UBP1: variants seen among roughly 807,000 people sequenced by gnomAD.
UBP1 encodes the protein upstream binding protein 1.
A neutral mutation model predicts 76.1 loss-of-function variants in UBP1; 22 were observed. That is an observed-to-expected ratio of 0.29 (90% CI 0.21 to 0.41). The LOEUF is 0.41. Among genes scored for constraint, UBP1 ranks in the 10% least tolerant of loss-of-function variants. UBP1 has a pLI of 1.00. For synonymous variants in UBP1, 224 were observed against 237.1 expected, an observed-to-expected ratio of 0.94 and a Z score of 0.51; for missense variants, 436 against 668.1, an observed-to-expected ratio of 0.65 and a Z score of 3.83.
intron 8 of UBP1, among the ~76,000 whole-genome samples, chr3:33,405,378 A>G (rs1281052915): frequency 6.6e-6 from 1 of 152,180 alleles, no homozygotes; most frequent in Non-Finnish European, 1.5e-5. Flanking sequence ...GCACTTCAAG[A>G]GTAATGTCAC....
At chr3:33,436,125 T>G (rs1029617831) in intron 1 of UBP1, among the ~76,000 whole-genome samples, 4 of 152,240 alleles carry the variant, frequency 2.6e-5, no homozygotes, top group Admixed American at 6.5e-5. Flanking sequence ...ACATTAATTT[T>G]TTTTAACTTT....
In UBP1 at chr3:33,409,220, T is replaced by C. The variant is rs774253888; in HGVS notation, c.819+16A>G. ...CCTTTGCTTCTCTTCCAAAACCAAA[T>C]GCTTTACTACATTACCTCTGTGAGG... On this transcript the variant is annotated intron_variant, in intron 7 of 15. Coordinates refer to ENST00000283629, the MANE Select transcript of UBP1 (RefSeq NM_014517.5). 1.2e-6 allele frequency: 2 copies of C among 1,611,590 alleles called. No homozygotes were observed. The highest frequency in any genetic ancestry group is 1.1e-5 in the South Asian group (1 of 90,724).
intron 1 of UBP1, among the ~76,000 whole-genome samples, chr3:33,429,108 A>T (rs1394562267): frequency 6.6e-6 from 1 of 152,214 alleles, no homozygotes; most frequent in African/African-American, 2.4e-5. Context: ...GTGTTTCTTC[A>T]ATGACTGATG....
intron 1 of UBP1, among the ~76,000 whole-genome samples, chr3:33,427,765 C>A (rs922410692): frequency 2.6e-5 from 4 of 152,248 alleles, no homozygotes; most frequent in Non-Finnish European, 4.4e-5. Context: ...AACACTCCTA[C>A]GTACACAAGT....
rs2043615837 is a variant in UBP1, at chr3:33,388,658, C to A, written c.*1673G>T. On this transcript the variant is annotated 3_prime_UTR_variant, in exon 16 of 16. Transcript: ENST00000283629. The stretch of plus-strand genomic sequence containing the variant: ...CAAACGAGATAAACTCACTTCTTTC[C>A]CCAGTGACTGGTACAGAAAACATGT... The A allele has an allele frequency of 6.6e-6, 1 of 152,096 alleles. No individual in the cohort carries two copies. Among genetic ancestry groups the A allele is most frequent in the African/African-American group, 2.4e-5 (1 of 41,356 alleles). 9.4% of individuals were successfully genotyped at this position (152,096 alleles called of 1,614,324 possible).
At chr3:33,411,499 A>T in intron 5 of UBP1, 82 bp downstream of exon 5, 1 of 1,179,090 alleles carries the variant, frequency 8.5e-7, no homozygotes, top group Non-Finnish European at 1.3e-6. Flanking sequence ...ATTTAAAGGA[A>T]ATGATACTGT....
At chr3:33,396,572 A>T in intron 12 of UBP1, 1 of 417,140 alleles carries the variant, frequency 2.4e-6, no homozygotes, top group African/African-American at 2.0e-5. Context: ...GTAAGATTCA[A>T]TTTTAATGGA....
rs746611703 is a variant in UBP1 at position 33,409,476 on chromosome 3, T to C, written c.681A>G (p.Ser227=). ...TAAAAACTTTGATTTGGCAGCTAGC[T>C]GAGTGTAGATGATCTGTGTATTCTC... The part of the protein sequence containing the change: ...ENGEYTDHLH[S]ASCQIKVFKP... The change falls in exon 6 of 16, where the codon TCA becomes TCG. Residue 227 remains serine (S), a synonymous_variant. Transcript: ENST00000283629. The C allele has an allele frequency of 2.5e-6, 4 of 1,614,218 alleles. No individual in the cohort carries two copies. Among genetic ancestry groups the C allele is most frequent in the Non-Finnish European group, 3.4e-6 (4 of 1,180,026 alleles).
At chr3:33,414,890 A>G (rs994774527) in intron 3 of UBP1, among the ~76,000 whole-genome samples, 1 of 152,216 alleles carries the variant, frequency 6.6e-6, no homozygotes, top group Admixed American at 6.5e-5. Context: ...GTCTAGGTGG[A>G]ATATACTAGT....
chr3:33,402,300 T>A (rs1017470506), intron 9 of UBP1, among the ~76,000 whole-genome samples: 3 of 151,906 alleles, frequency 2.0e-5, no homozygotes, highest in Admixed American at 6.6e-5. Flanking sequence ...GAATAAAGAG[T>A]CCACCATTTC....
chr3:33,435,731 G>A (rs1453784123), intron 1 of UBP1, among the ~76,000 whole-genome samples: 3 of 152,158 alleles, frequency 2.0e-5, no homozygotes, highest in Non-Finnish European at 4.4e-5. Flanking sequence ...GCCTACAGTC[G>A]GGGAAAACCA....
At chr3:33,397,003 G>C (rs772560747) in intron 12 of UBP1, 42 bp downstream of exon 12, 4 of 1,551,714 alleles carry the variant, frequency 2.6e-6, no homozygotes, top group Non-Finnish European at 2.7e-6. Flanking sequence ...CGCGAAGAAA[G>C]GTACATTCTT....
At chr3:33,397,004 G>A in intron 12 of UBP1, 41 bp downstream of exon 12, 2 of 1,548,930 alleles carry the variant, frequency 1.3e-6, no homozygotes, top group East Asian at 2.3e-5. Context: ...GCGAAGAAAG[G>A]TACATTCTTA....
At chr3:33,428,807 CAAAAA>C (rs374441678) in intron 1 of UBP1, among the ~76,000 whole-genome samples, 1 of 93,618 alleles carries the variant, frequency 1.1e-5, no homozygotes, top group African/African-American at 3.9e-5. Context: ...TCCTACGTCT[CAAAAA>C]AAAAAAAAAA....
chr3:33,416,804 T>A lies in UBP1; in HGVS notation c.296A>T (p.Asn99Ile), dbSNP rs775286504. Residue 99 changes from asparagine (N) to isoleucine (I), a missense_variant, in exon 3 of 16, where the codon AAT becomes ATT. Around this residue, in one of 3 missense-constraint regions of UBP1, gnomAD observed 161 missense variants for 237.9 expected, o/e 0.68. Coordinates refer to ENST00000283629, the MANE Select transcript of UBP1 (RefSeq NM_014517.5). The stretch of plus-strand genomic sequence containing the variant: ...CTCAGGCATATCACCCATTTTCCGA[T>A]TATCCAGCATCCGAATTTCATATGA... ...GQSYEIRMLD[N>I]RKMGDMPEIN... is the part of the protein sequence containing the mutation. The A allele has an allele frequency of 4.3e-6, 7 of 1,613,732 alleles. No homozygotes were observed. In the South Asian group the frequency reaches 5.5e-5, roughly 13 times the overall value.
At chr3:33,411,529 C>T (rs1426645438) in intron 5 of UBP1, 52 bp downstream of exon 5, 22 of 1,488,490 alleles carry the variant, frequency 1.5e-5, no homozygotes, top group Middle Eastern at 3.4e-4. Flanking sequence ...TCAATCCTAC[C>T]ATGACCTAAA....
chr3:33,403,015 T>G lies in UBP1; in HGVS notation c.928-111A>C, dbSNP rs571052871. The G allele has an allele frequency of 6.1e-6, 6 of 986,602 alleles. No individual in the cohort carries two copies. The East Asian group carries it at 1.6e-4, about 27-fold the overall frequency. The allele number at this position is 986,602 out of a possible 1,614,324, so 61.1% of individuals were successfully genotyped here. A position where few individuals can be genotyped will look rare whatever the true frequency, so the allele number is the denominator to read the frequency against. On this transcript the variant is annotated intron_variant, in intron 8 of 15. Transcript: ENST00000283629. ...GCAAGATTATAAAATGCGAGACAGC[T>G]GACATTTATCAAGCAACCTCACAGA...
At chr3:33,426,149 T>C (rs2045014290) in intron 1 of UBP1, among the ~76,000 whole-genome samples, 2 of 151,506 alleles carry the variant, frequency 1.3e-5, no homozygotes, top group Admixed American at 6.6e-5. Context: ...ATAATACTGC[T>C]GCCAAAGGTA....
At chr3:33,411,521 A>G in intron 5 of UBP1, 60 bp downstream of exon 5, 1 of 1,429,806 alleles carries the variant, frequency 7.0e-7, no homozygotes. Context: ...TCAAAAATTC[A>G]ATCCTACCAT....
Sources: gnomAD v4.1 joint callset for allele counts (sites outside exome capture counted in the v4.1 genomes callset) on GRCh38, gnomAD v4.1.1 for gene constraint, gnomAD v4.1.1 regional missense constraint, MANE v1.5 for transcripts, NCBI Gene and HGNC (gene_info 2026-07-23, HGNC 2026-07-21) for gene names.